PDZD8: variants seen among roughly 807,000 people sequenced by gnomAD.
PDZD8 encodes PDZ domain-containing protein 8.
Under a neutral mutation model 85.8 loss-of-function variants are expected in PDZD8, and 14 were observed. The ratio of observed to expected loss-of-function variants is 0.16; its 90% CI spans 0.11 to 0.26. PDZD8 has a LOEUF of 0.26. PDZD8 is among the 10% of genes least tolerant of loss of function. The pLI, the probability that PDZD8 is intolerant of heterozygous loss-of-function variation, is 1.00. For missense variants in PDZD8, 1,197 were observed against 1,424.3 expected (o/e 0.84, Z 2.57); for synonymous variants, 592 against 568.6 (o/e 1.04, Z -0.59).
At chr10:117,329,120 G>C (rs1451785873) in intron 2 of PDZD8, among the ~76,000 whole-genome samples, 1 of 152,134 alleles carries the variant, frequency 6.6e-6, no homozygotes, top group African/African-American at 2.4e-5. Context: ...ATTATATAAT[G>C]ACCAGAAGCA....
intron 1 of PDZD8, among the ~76,000 whole-genome samples, chr10:117,357,294 C>A (rs1844912066): frequency 6.6e-6 from 1 of 152,044 alleles, no homozygotes; most frequent in Non-Finnish European, 1.5e-5. Flanking sequence ...ACTTGGGAGG[C>A]TGAAGCACGA....
chr10:117,370,614 G>C (rs1164092535), intron 1 of PDZD8, among the ~76,000 whole-genome samples: 1 of 152,158 alleles, frequency 6.6e-6, no homozygotes, highest in Non-Finnish European at 1.5e-5. Context: ...GGCCGAGGTG[G>C]GTAGACTGCC....
chr10:117,371,132 C>T (rs1192946157), intron 1 of PDZD8, among the ~76,000 whole-genome samples: 1 of 152,146 alleles, frequency 6.6e-6, no homozygotes, highest in Admixed American at 6.6e-5. Context: ...GTAATTCATT[C>T]TTATCTGAAA....
chr10:117,278,953 G>A lies in PDZD8; in HGVS notation c.*4315C>T, dbSNP rs142852685. ...CAGGGGTAGAGCCTTAAAAAAGAAC[G>A]TGCTACAAATTGGTTCTCTTTGAGG... On this transcript the variant is annotated 3_prime_UTR_variant, in exon 5 of 5. Coordinates refer to ENST00000334464, the MANE Select transcript of PDZD8 (RefSeq NM_173791.5). The A allele has an allele frequency of 6.6e-6, 1 of 152,270 alleles. No homozygotes were observed. The highest frequency in any genetic ancestry group is 1.5e-5 in the Non-Finnish European group (1 of 68,024). The allele number at this position is 152,270 out of a possible 1,614,324, so 9.4% of individuals were successfully genotyped here. A position where few individuals can be genotyped will look rare whatever the true frequency, so the allele number is the denominator to read the frequency against.
Position 117,374,830 on chromosome 10 carries a change from G to A in PDZD8, c.398C>T (p.Thr133Ile), listed in dbSNP as rs1259211438. Residue 133 changes from threonine to isoleucine, a missense_variant, in exon 1 of 5, where the codon ACC (threonine) becomes ATC (isoleucine). By Grantham distance (89) the Thr-to-Ile change is moderately conservative. Around this residue, in one of 4 missense-constraint regions of PDZD8, gnomAD observed 344 missense variants for 453.6 expected, o/e 0.76. Transcript: ENST00000334464. This position sits in a 1 kb window ranked among gnomAD's most constrained non-coding sequence, Gnocchi z 7.8. ...CTCCAGCAGGCGCCCGGCCGTCTTG[G>A]TCTGCAGCAGCTCCTCGAACTCCAC... Reference protein sequence around the residue: ...IKVEFEELLQTKTAGRLLEGL... With the variant: ...IKVEFEELLQIKTAGRLLEGL... The A allele has an allele frequency of 6.2e-7, 1 of 1,613,478 alleles. No individual in the cohort carries two copies. The highest frequency in any genetic ancestry group is 1.1e-5 in the South Asian group (1 of 91,076).
At chr10:117,327,110 G>A (rs1844330517) in intron 2 of PDZD8, among the ~76,000 whole-genome samples, 1 of 152,102 alleles carries the variant, frequency 6.6e-6, no homozygotes, top group African/African-American at 2.4e-5. Context: ...TCTCTTGGCT[G>A]GAACAACAAA....
At chr10:117,351,970 T>C (rs1282485941) in intron 1 of PDZD8, among the ~76,000 whole-genome samples, 2 of 152,228 alleles carry the variant, frequency 1.3e-5, no homozygotes, top group Non-Finnish European at 2.9e-5. Flanking sequence ...TGAGCCACTA[T>C]ACTTGGCGTG....
rs752222062 is a variant in PDZD8, at chr10:117,371,562, G to A, written c.872+2794C>T. 4.6e-5 allele frequency among the ~76,000 whole-genome samples: 7 copies of A among 152,196 alleles called. No homozygotes were observed. In the South Asian group the frequency reaches 8.3e-4, roughly 18 times the overall value. ...ACTTGCTGAGGCAGCCCTTTTCATCGTCATACTTGCTATTTTCTTCTACTA... is the reference window on the plus strand; with the variant it reads ...ACTTGCTGAGGCAGCCCTTTTCATCATCATACTTGCTATTTTCTTCTACTA... On this transcript the variant is annotated intron_variant, in intron 1 of 4. Transcript: ENST00000334464.
At chr10:117,289,159 A>G (rs1263694322) in intron 4 of PDZD8, among the ~76,000 whole-genome samples, 9 of 152,196 alleles carry the variant, frequency 5.9e-5, no homozygotes, top group Non-Finnish European at 1.3e-4. Context: ...GGTCTGGGTG[A>G]CTGGCATACA....
chr10:117,340,610 A>G (rs1029311781), intron 2 of PDZD8, among the ~76,000 whole-genome samples: 8 of 152,194 alleles, frequency 5.3e-5, no homozygotes, highest in Admixed American at 3.3e-4. Context: ...TATACTTATC[A>G]TGATGGTCCT....
Position 117,283,419 on chromosome 10 carries a change from T to C in PDZD8, c.3314A>G (p.Glu1105Gly). 1 of 1,614,126 alleles carries C rather than the reference T, an allele frequency of 6.2e-7. No individual in the cohort carries two copies. Among genetic ancestry groups the C allele is most frequent in the Non-Finnish European group, 8.5e-7 (1 of 1,179,956 alleles). The stretch of plus-strand genomic sequence containing the variant: ...GGAGTGCTGGTCTAAAGACAGACTT[T>C]CTAAAGTTTCTATATCTTCAATGCC... ...RAGIEDIETL[E>G]SLSLDQHSKK... is the part of the protein sequence containing the mutation. The change falls in exon 5 of 5, where the codon GAA becomes GGA. Residue 1105 changes from glutamate (E) to glycine (G), a missense_variant. Coordinates refer to ENST00000334464, the MANE Select transcript of PDZD8 (RefSeq NM_173791.5).
intron 1 of PDZD8, among the ~76,000 whole-genome samples, chr10:117,343,418 C>A (rs563667664): frequency 1.3e-5 from 2 of 152,188 alleles, no homozygotes; most frequent in Admixed American, 6.5e-5. Context: ...GACAGACTGG[C>A]ACCAAATTTT....
chr10:117,287,005 T>G (rs1443837246), intron 4 of PDZD8, among the ~76,000 whole-genome samples: 1 of 152,132 alleles, frequency 6.6e-6, no homozygotes, highest in Non-Finnish European at 1.5e-5. Context: ...CTCTCCCTAC[T>G]CTCTTTTACT....
rs1236142085 is a variant in PDZD8, at chr10:117,282,449, T to C, written c.*819A>G. 1.3e-5 allele frequency: 2 copies of C among 152,200 alleles called. No homozygotes were observed. The highest frequency in any genetic ancestry group is 2.9e-5 in the Non-Finnish European group (2 of 68,028). The allele number at this position is 152,200 out of a possible 1,614,324, so 9.4% of individuals were successfully genotyped here. Reference sequence around the variant, plus strand: ...AAAGATTATATTTCAAAATGCTATGTTACTGTTTTTCAGTAATTAAGTCTT... The same window carrying C: ...AAAGATTATATTTCAAAATGCTATGCTACTGTTTTTCAGTAATTAAGTCTT... On this transcript the variant is annotated 3_prime_UTR_variant, in exon 5 of 5. Coordinates refer to ENST00000334464, the MANE Select transcript of PDZD8 (RefSeq NM_173791.5).
chr10:117,359,457 T>C (rs1196300849), intron 1 of PDZD8, among the ~76,000 whole-genome samples: 1 of 150,572 alleles, frequency 6.6e-6, no homozygotes, highest in African/African-American at 2.5e-5. Flanking sequence ...ATGTCTGTAA[T>C]CCCAGCACTT....
At chr10:117,321,509 AATGGTT>A (rs1382490183) in intron 2 of PDZD8, among the ~76,000 whole-genome samples, 3 of 152,152 alleles carry the variant, frequency 2.0e-5, no homozygotes, top group African/African-American at 7.2e-5. Context: ...CATTACTGAT[AATGGTT>A]ATGGAGTTTC....
intron 3 of PDZD8, among the ~76,000 whole-genome samples, chr10:117,301,631 A>G (rs1843849296): frequency 6.6e-6 from 1 of 152,194 alleles, no homozygotes; most frequent in Non-Finnish European, 1.5e-5. Flanking sequence ...TGGTTAAAGG[A>G]TACAATTTAC....
Position 117,318,859 on chromosome 10 carries a change from A to T in PDZD8, c.1098+13T>A. Reference sequence around the variant, plus strand: ...ACTTTATATAGATATAAATCACTGTAAATCCATTTTACCGTCTTAATAGAA... The same window carrying T: ...ACTTTATATAGATATAAATCACTGTTAATCCATTTTACCGTCTTAATAGAA... On this transcript the variant is annotated intron_variant, in intron 3 of 4. Transcript: ENST00000334464. 2 of 1,527,854 alleles carry T rather than the reference A, an allele frequency of 1.3e-6. No homozygotes were observed. The highest frequency in any genetic ancestry group is 1.7e-5 in the Admixed American group (1 of 59,310). The allele number at this position is 1,527,854 out of a possible 1,614,324, so 94.6% of individuals were successfully genotyped here.
intron 2 of PDZD8, among the ~76,000 whole-genome samples, chr10:117,322,030 C>T (rs893855587): frequency 6.6e-6 from 1 of 152,094 alleles, no homozygotes; most frequent in Non-Finnish European, 1.5e-5. Context: ...GTGACAAATA[C>T]CACAGAAAAA....
Sources: gnomAD v4.1 joint callset for allele counts (sites outside exome capture counted in the v4.1 genomes callset) on GRCh38, gnomAD v4.1.1 for gene constraint, gnomAD v4.1.1 regional missense constraint, Gnocchi (gnomAD v3.1) non-coding constraint, MANE v1.5 for transcripts, NCBI Gene and HGNC (gene_info 2026-07-23, HGNC 2026-07-21) for gene names.